The following NCF2 variants were observed in gnomAD, a reference collection of about 807,000 sequenced individuals.
The protein encoded by NCF2 is neutrophil cytosol factor 2.
A neutral mutation model predicts 70.9 loss-of-function variants in NCF2; 45 were observed. That is an observed-to-expected ratio of 0.63 (90% confidence interval 0.50 to 0.81). The LOEUF (loss-of-function observed/expected upper bound fraction) is 0.81. Ranked by LOEUF, NCF2 falls within the 40% of genes least tolerant of loss-of-function variation. The probability of loss-of-function intolerance (pLI) is 0.00; values close to 1 mark genes in which losing one functional copy is unlikely to be tolerated. For synonymous variants in NCF2, 203 were observed against 233.6 expected, an observed-to-expected ratio of 0.87 and a Z score of 1.19; for missense variants, 522 against 631.6, an observed-to-expected ratio of 0.83 and a Z score of 1.86.
chr1:183,584,995 GCT>G (rs1410818554), intron 2 of NCF2, among the ~76,000 whole-genome samples: 1 of 152,154 alleles, frequency 6.6e-6, no homozygotes, highest in Non-Finnish European at 1.5e-5. Context: ...CCAATCCCAG[GCT>G]CTCTTTCTCC....
intron 3 of NCF2, 28 bp downstream of exon 3, chr1:183,577,571 T>C (rs946814426): frequency 1.3e-6 from 2 of 1,533,854 alleles, no homozygotes; most frequent in East Asian, 2.2e-5. Flanking sequence ...GATCCCCTCC[T>C]GCCCAGGCCA....
chr1:183,557,982 C>T (rs576429686), intron 14 of NCF2, among the ~76,000 whole-genome samples: 18 of 152,080 alleles, frequency 1.2e-4, no homozygotes, highest in Admixed American at 2.6e-4. Flanking sequence ...TCAAGTGATT[C>T]TCCTGCCTCA....
chr1:183,570,626 C>G, intron 6 of NCF2, 154 bp downstream of exon 6: 1 of 763,122 alleles, frequency 1.3e-6, no homozygotes, highest in Non-Finnish European at 2.3e-6. Context: ...GAAACCAGGA[C>G]TGAGAGAGGG....
chr1:183,587,362 G>A (rs1311230370), intron 1 of NCF2, among the ~76,000 whole-genome samples: 1 of 152,112 alleles, frequency 6.6e-6, no homozygotes, highest in Non-Finnish European at 1.5e-5. Flanking sequence ...GGGAGGCCAA[G>A]GCAGGTGGAT....
Position 183,565,632 on chromosome 1 carries a change from G to A in NCF2, c.1000+72C>T, listed in dbSNP as rs145087251. On this transcript the variant is annotated intron_variant, in intron 10 of 14. Transcript: ENST00000367535. ...GAAACCAGAATTTCCTGGAAGGCAG[G>A]GAGAGGAACTCAGGAAGCAGCCTGG... is the stretch of plus-strand genomic sequence containing the variant. 13 of 1,452,512 alleles carry A rather than the reference G, an allele frequency of 9.0e-6. No individual in the cohort carries two copies. The East Asian group carries it at 2.0e-4, about 23-fold the overall frequency. 90.0% of individuals were successfully genotyped at this position (1,452,512 alleles called of 1,614,324 possible).
At chr1:183,599,419 T>C in the NCF2 span, among the ~76,000 whole-genome samples, 240 of 131,696 alleles carry the variant, frequency 1.8e-3, 2 homozygotes, top group African/African-American at 4.7e-3. Context: ...TCTTTCTTTC[T>C]TTCCTTCTTT....
At chr1:183,573,752 T>C (rs770408450) in intron 4 of NCF2, among the ~76,000 whole-genome samples, 2 of 152,238 alleles carry the variant, frequency 1.3e-5, no homozygotes, top group Non-Finnish European at 2.9e-5. Context: ...TATTCACAAA[T>C]ATGCTTGAAC....
chr1:183,590,766 A>T, upstream of NCF2: 1 of 246,604 alleles, frequency 4.1e-6, no homozygotes, highest in South Asian at 4.5e-5. Flanking sequence ...AGGTAGAGGC[A>T]CCTCCCTGGT....
chr1:183,566,700 A>G (rs1309920932), intron 9 of NCF2, among the ~76,000 whole-genome samples: 2 of 152,198 alleles, frequency 1.3e-5, no homozygotes, highest in Admixed American at 1.3e-4. Flanking sequence ...GGTGGGCCCA[A>G]TGGGACCTAC....
chr1:183,585,485 C>G (rs1052888653), intron 2 of NCF2, among the ~76,000 whole-genome samples: 1 of 151,920 alleles, frequency 6.6e-6, no homozygotes, highest in Admixed American at 6.6e-5. Flanking sequence ...ATTAGCTGGA[C>G]GTAGTGGCGG....
upstream of NCF2, among the ~76,000 whole-genome samples, chr1:183,593,934 A>G (rs1294430576): frequency 1.3e-5 from 2 of 152,234 alleles, no homozygotes; most frequent in Admixed American, 6.5e-5. Flanking sequence ...AATAAAACAC[A>G]TGAGAAGAAA....
the NCF2 span, among the ~76,000 whole-genome samples, chr1:183,598,936 G>A: frequency 6.6e-6 from 1 of 152,220 alleles, no homozygotes; most frequent in Non-Finnish European, 1.5e-5. Context: ...TCTTCTAAAA[G>A]CTGTGAATTC....
chr1:183,565,336 A>G (rs968782311), intron 10 of NCF2, among the ~76,000 whole-genome samples: 1 of 152,194 alleles, frequency 6.6e-6, no homozygotes, highest in Admixed American at 6.5e-5. Context: ...TGCCTCAGAC[A>G]TTTGAAAACA....
At chr1:183,586,009 T>C (rs1310966762) in intron 2 of NCF2, among the ~76,000 whole-genome samples, 2 of 152,222 alleles carry the variant, frequency 1.3e-5, no homozygotes, top group Non-Finnish European at 2.9e-5. Flanking sequence ...AATGGGACTA[T>C]GCTATATGAA....
upstream of NCF2, among the ~76,000 whole-genome samples, chr1:183,595,626 T>C (rs998894865): frequency 1.3e-5 from 2 of 152,164 alleles, no homozygotes; most frequent in Admixed American, 6.5e-5. Flanking sequence ...AATTCATCTG[T>C]AGCTATAGAA....
chr1:183,591,187 G>T (rs910293834), upstream of NCF2, among the ~76,000 whole-genome samples: 7 of 152,206 alleles, frequency 4.6e-5, no homozygotes, highest in African/African-American at 1.7e-4. Flanking sequence ...CCTGCAGCAG[G>T]TAGTGTGGCC....
upstream of NCF2, among the ~76,000 whole-genome samples, chr1:183,595,761 A>G (rs571752027): frequency 4.6e-5 from 7 of 152,240 alleles, no homozygotes; most frequent in East Asian, 1.4e-3. Flanking sequence ...CACCCAGAAT[A>G]TTCTCCCTTT....
chr1:183,600,743 G>T, the NCF2 span, among the ~76,000 whole-genome samples: 3 of 151,882 alleles, frequency 2.0e-5, no homozygotes, highest in Non-Finnish European at 4.4e-5. Flanking sequence ...CAGCAACATG[G>T]CCTTCATCAG....
intron 14 of NCF2, among the ~76,000 whole-genome samples, chr1:183,557,694 CA>C (rs763184525): frequency 1.1e-4 from 16 of 152,298 alleles, no homozygotes; most frequent in East Asian, 1.9e-4. Context: ...CATATCTACC[CA>C]AAAGGTTGTT....
Sources: allele counts gnomAD v4.1 joint callset (sites outside exome capture counted in the v4.1 genomes callset), GRCh38; gene constraint gnomAD v4.1.1; transcripts MANE v1.5; gene names NCBI Gene and HGNC (gene_info 2026-07-23, HGNC 2026-07-21).